PLEKHG1: variants seen among roughly 807,000 people sequenced by gnomAD.
The protein encoded by PLEKHG1 is pleckstrin homology and RhoGEF domain containing G1.
PLEKHG1 carries 44 observed loss-of-function variants against 100.8 expected under a neutral mutation model. The observed-to-expected ratio is 0.44, with a 90% CI of 0.34 to 0.56. The LOEUF (loss-of-function observed/expected upper bound fraction) is 0.56. Ranked by LOEUF, PLEKHG1 falls within the 20% of genes least tolerant of loss-of-function variation. The probability of loss-of-function intolerance (pLI) is 0.01; values close to 1 mark genes in which losing one functional copy is unlikely to be tolerated. For synonymous variants in PLEKHG1, 640 were observed against 662.5 expected (o/e 0.97, Z 0.52); for missense variants, 1,545 against 1,720.9 (o/e 0.90, Z 1.81).
chr6:150,800,634 G>A (rs759708300), intron 5 of PLEKHG1, 85 bp from the exon 7 acceptor site: 1 of 1,267,876 alleles, frequency 7.9e-7, no homozygotes, highest in South Asian at 1.3e-5. Context: ...TCATTTTAGG[G>A]CATTTACACT....
chr6:150,831,889 C>T lies in PLEKHG1; in HGVS notation c.2778C>T (p.Gly926=). 6.2e-7 allele frequency: 1 copy of T among 1,614,026 alleles called. No homozygotes were observed. Among genetic ancestry groups the T allele is most frequent in the Non-Finnish European group, 8.5e-7 (1 of 1,179,918 alleles). ...AGGAAGACCTGATTTCTAAAGAAGG[C>T]TCCTTTATGAGCCTTAACCGGCTTT... is the stretch of plus-strand genomic sequence containing the variant. The change falls in exon 15 of 16, where the codon GGC becomes GGT. Residue 926 remains glycine (G), a synonymous_variant. Transcript: ENST00000358517. The surrounding 1 kb of genome is among the most constrained non-coding windows in gnomAD (Gnocchi z 4.1).
chr6:150,782,205 G>A (rs928357274), intron 3 of PLEKHG1, among the ~76,000 whole-genome samples: 3 of 152,030 alleles, frequency 2.0e-5, no homozygotes. Context: ...ATCACTTGAG[G>A]CCAGGAGTTC....
intron 3 of PLEKHG1, among the ~76,000 whole-genome samples, chr6:150,670,311 A>G (rs1159215088): frequency 6.6e-6 from 1 of 152,176 alleles, no homozygotes; most frequent in Non-Finnish European, 1.5e-5. Flanking sequence ...TTGACTTTAT[A>G]AGGAATATGT....
At chr6:150,684,274 C>G (rs1780036009) in intron 3 of PLEKHG1, among the ~76,000 whole-genome samples, 3 of 152,194 alleles carry the variant, frequency 2.0e-5, no homozygotes, top group Admixed American at 2.0e-4. Flanking sequence ...CCATTAAGTG[C>G]CCCCTGAGGC....
At chr6:150,689,872 A>G (rs1780280699) in intron 3 of PLEKHG1, among the ~76,000 whole-genome samples, 1 of 149,724 alleles carries the variant, frequency 6.7e-6, no homozygotes, top group Admixed American at 6.7e-5. Context: ...AAAAAAAAAA[A>G]GAAAAACAGA....
At chr6:150,725,083 T>G (rs1781893909) in intron 1 of PLEKHG1, among the ~76,000 whole-genome samples, 1 of 152,212 alleles carries the variant, frequency 6.6e-6, no homozygotes, top group Admixed American at 6.5e-5. Context: ...AGAAATTGAT[T>G]GCTCACAGTT....
At chr6:150,617,954 G>A (rs537058305) in intron 1 of PLEKHG1, among the ~76,000 whole-genome samples, 7 of 152,180 alleles carry the variant, frequency 4.6e-5, no homozygotes, top group Non-Finnish European at 1.0e-4. Flanking sequence ...CAACCTACTG[G>A]AATGGAGGTG....
At chr6:150,790,782 G>A (rs1785925587) in intron 4 of PLEKHG1, among the ~76,000 whole-genome samples, 1 of 152,160 alleles carries the variant, frequency 6.6e-6, no homozygotes, top group Admixed American at 6.5e-5. Context: ...AGCACTTTGG[G>A]AGGCCGAAGG....
intron 2 of PLEKHG1, among the ~76,000 whole-genome samples, chr6:150,647,217 C>T (rs531823163): frequency 3.3e-5 from 5 of 152,200 alleles, no homozygotes; most frequent in African/African-American, 7.2e-5. Flanking sequence ...TTAAAAGCCA[C>T]TTTACCTAGT....
At chr6:150,733,893 A>G (rs748287973) in exon 2 of PLEKHG1, 115 of 1,613,442 alleles carry the variant, frequency 7.1e-5, no homozygotes, top group Non-Finnish European at 9.6e-5. Context: ...CAGAGGGACA[A>G]CCCCGCCACG....
intron 3 of PLEKHG1, among the ~76,000 whole-genome samples, chr6:150,692,986 G>A (rs944553929): frequency 6.6e-6 from 1 of 152,202 alleles, no homozygotes; most frequent in Admixed American, 6.5e-5. Flanking sequence ...TTCCAGGTCA[G>A]AACATAGAAG....
In PLEKHG1 at chr6:150,819,711, G is replaced by A. The variant is rs561850047; in HGVS notation, c.1345G>A (p.Gly449Arg). The stretch of plus-strand genomic sequence containing the variant: ...AGGCTTCTGTTACAGTCCTGAGGGA[G>A]GGACGAAAGCACTGTTCGGCTCTAA... Residue 449 changes from glycine to arginine, a missense_variant, in exon 12 of 16, where the codon GGG becomes AGG. Physicochemically the swap from Gly to Arg is moderately radical, Grantham distance 125. Transcript: ENST00000358517. 1.2e-5 allele frequency: 20 copies of A among 1,612,232 alleles called. No homozygotes were observed. Among genetic ancestry groups the A allele is most frequent in the Non-Finnish European group, 1.6e-5 (19 of 1,178,404 alleles).
chr6:150,679,737 C>G (rs4869926), intron 3 of PLEKHG1, among the ~76,000 whole-genome samples: 28,001 of 152,106 alleles, frequency 0.18, 2,643 homozygotes, highest in South Asian at 0.26. Flanking sequence ...TCCCTGCCAC[C>G]CCATCAGTAT....
exon 16 of PLEKHG1, chr6:150,841,676 G>C (rs575617724): frequency 6.6e-6 from 1 of 152,320 alleles, no homozygotes; most frequent in African/African-American, 2.4e-5. Flanking sequence ...TATTAGAAAA[G>C]ATGGGATGAC....
chr6:150,718,199 C>A (rs1299382316), upstream of PLEKHG1, among the ~76,000 whole-genome samples: 2 of 152,092 alleles, frequency 1.3e-5, no homozygotes, highest in Non-Finnish European at 2.9e-5. Context: ...AGCATCTGTG[C>A]CTTTTGTGTG....
intron 5 of PLEKHG1, among the ~76,000 whole-genome samples, chr6:150,797,887 A>G (rs1786449170): frequency 6.8e-6 from 1 of 147,286 alleles, no homozygotes; most frequent in Non-Finnish European, 1.5e-5. Context: ...AGAAGCTAGA[A>G]GTTTAGAGGC....
exon 15 of PLEKHG1, chr6:150,832,125 C>A: frequency 6.2e-7 from 1 of 1,613,782 alleles, no homozygotes; most frequent in Admixed American, 1.7e-5. Flanking sequence ...GAGCAGCCGC[C>A]GGCCAGTCAG....
chr6:150,686,194 C>T (rs148092140), intron 3 of PLEKHG1, among the ~76,000 whole-genome samples: 4 of 152,362 alleles, frequency 2.6e-5, no homozygotes, highest in East Asian at 1.9e-4. Context: ...CACAGGAGAG[C>T]TAATTAGGTC....
At chr6:150,808,093 T>C (rs1235906869) in intron 7 of PLEKHG1, among the ~76,000 whole-genome samples, 2 of 152,130 alleles carry the variant, frequency 1.3e-5, no homozygotes, top group Non-Finnish European at 2.9e-5. Context: ...CACAAAGAAA[T>C]GATAAATGCT....
Sources: gnomAD v4.1 joint callset for allele counts (sites outside exome capture counted in the v4.1 genomes callset) on GRCh38, gnomAD v4.1.1 for gene constraint, Gnocchi (gnomAD v3.1) non-coding constraint, MANE v1.5 for transcripts, NCBI Gene and HGNC (gene_info 2026-07-23, HGNC 2026-07-21) for gene names.